The following LIPC variants were observed in gnomAD, a reference collection of about 807,000 sequenced individuals.
LIPC encodes the protein hepatic triacylglycerol lipase.
In LIPC, 44 loss-of-function variants were observed where a neutral mutation model predicts 50.7. The ratio of observed to expected loss-of-function variants is 0.87; its 90% CI spans 0.68 to 1.11. LIPC has a LOEUF of 1.11. LIPC is among the 50% of genes most tolerant of loss of function. The pLI is 0.00. For synonymous variants in LIPC, 271 were observed against 256.4 expected (o/e 1.06, Z -0.54); for missense variants, 697 against 648.2 (o/e 1.08, Z -0.82).
chr15:58,473,963 C>T (rs1041193652), intron 1 of LIPC: 2 of 152,272 alleles, frequency 1.3e-5, no homozygotes, highest in Non-Finnish European at 2.9e-5. Flanking sequence ...AGGAAACTCC[C>T]CACCTTTTTT....
intron 1 of LIPC, among the ~76,000 whole-genome samples, chr15:58,516,829 T>A (rs929779684): frequency 2.6e-5 from 4 of 152,226 alleles, no homozygotes; most frequent in Non-Finnish European, 5.9e-5. Flanking sequence ...ATTGATTGAT[T>A]TTTCTCTTCA....
intron 1 of LIPC, among the ~76,000 whole-genome samples, chr15:58,440,026 G>T (rs904484983): frequency 2.0e-5 from 3 of 152,148 alleles, no homozygotes; most frequent in African/African-American, 7.2e-5. Flanking sequence ...AACATCCACT[G>T]CTCCTGGATA....
At chr15:58,553,271 C>T (rs926045192) in intron 6 of LIPC, among the ~76,000 whole-genome samples, 1 of 152,140 alleles carries the variant, frequency 6.6e-6, no homozygotes, top group Non-Finnish European at 1.5e-5. Context: ...CCATCTCCAC[C>T]GCTCGCAGGC....
chr15:58,543,965 C>A (rs930608727), intron 4 of LIPC, among the ~76,000 whole-genome samples: 4 of 152,298 alleles, frequency 2.6e-5, no homozygotes, highest in Middle Eastern at 3.4e-3. Flanking sequence ...ATTACCATTC[C>A]TTTATAAAAG....
chr15:58,538,648 T>C (rs2140906740), intron 2 of LIPC, 131 bp downstream of exon 2: 1 of 897,012 alleles, frequency 1.1e-6, no homozygotes, highest in Non-Finnish European at 1.8e-6. Context: ...ATGAAGCACG[T>C]TCTAATTTTC....
At chr15:58,513,170 G>A (rs1462101449) in intron 1 of LIPC, among the ~76,000 whole-genome samples, 1 of 152,172 alleles carries the variant, frequency 6.6e-6, no homozygotes, top group African/African-American at 2.4e-5. Context: ...TTTAATGGAA[G>A]CTTAACAGAT....
At chr15:58,474,332 T>C (rs1890908452) in intron 1 of LIPC, among the ~76,000 whole-genome samples, 1 of 151,910 alleles carries the variant, frequency 6.6e-6, no homozygotes, top group South Asian at 2.1e-4. Context: ...AGCCGGGCAA[T>C]ATAAAGAGAC....
At chr15:58,433,820 T>C (rs1253977503) in intron 1 of LIPC, among the ~76,000 whole-genome samples, 1 of 152,122 alleles carries the variant, frequency 6.6e-6, no homozygotes, top group Non-Finnish European at 1.5e-5. Flanking sequence ...AGCAAGAGGG[T>C]TCCTCAGAAA....
At position 58,568,816 on chromosome 15, in the gene LIPC, A is replaced by G. The variant is rs1209126068; in HGVS notation, c.1489A>G (p.Lys497Glu). 1.3e-6 allele frequency: 2 copies of G among 1,589,230 alleles called. No homozygotes were observed. The highest frequency in any genetic ancestry group is 1.7e-5 in the Admixed American group (1 of 59,924). Residue 497 changes from lysine to glutamate, a missense_variant, in exon 9 of 9, where the codon AAG (lysine) becomes GAG (glutamate). Coordinates refer to ENST00000299022, the MANE Select transcript of LIPC (RefSeq NM_000236.3). ...AATAAAGTCTAAAACATCAAAGCGA[A>G]AGATCAGATGAGATTTAATGAAGAC... ...CEIKSKTSKRKIR is the reference protein window; with the variant it reads ...CEIKSKTSKREIR
In LIPC at chr15:58,560,924, C is replaced by T. The variant is rs1446570088; in HGVS notation, c.1112C>T (p.Thr371Ile). ...INQTETPIQT[T>I]FTMSLLGTKE... ...CAAACTGAGACACCAATACAAACAA[C>T]TTTTACCATGTCACTACTCGGAACA... Residue 371 changes from threonine (T) to isoleucine (I), a missense_variant, in exon 7 of 9, where the codon ACT becomes ATT. By Grantham distance (89) the Thr-to-Ile change is moderately conservative (BLOSUM62 -1). Transcript: ENST00000299022. 3.2e-6 allele frequency: 5 copies of T among 1,570,456 alleles called. No homozygotes were observed. The highest frequency in any genetic ancestry group is 3.5e-6 in the Non-Finnish European group (4 of 1,140,014).
At chr15:58,452,896 G>A (rs1394799236) in intron 1 of LIPC, among the ~76,000 whole-genome samples, 2 of 152,218 alleles carry the variant, frequency 1.3e-5, no homozygotes, top group African/African-American at 4.8e-5. Flanking sequence ...GTTCACTGTG[G>A]TCCCATCTGC....
chr15:58,541,648 C>T, intron 2 of LIPC, 137 bp from the exon 3 acceptor site: 3 of 879,108 alleles, frequency 3.4e-6, no homozygotes, highest in East Asian at 2.7e-5. Flanking sequence ...AATTCTCTGG[C>T]CCAAAATGTC....
chr15:58,548,439 C>T lies in LIPC; in HGVS notation c.918C>T (p.Asn306=). Residue 306 remains asparagine (N), a synonymous_variant, in exon 6 of 9, where the codon AAC becomes AAT. Coordinates refer to ENST00000299022, the MANE Select transcript of LIPC (RefSeq NM_000236.3). ...QSMAYPCGDM[N]SFSQGLCLSC... ...TGGCCTACCCGTGTGGTGACATGAACAGCTTCAGCCAGGGCCTGTGCCTGA... is the reference window on the plus strand; with the variant it reads ...TGGCCTACCCGTGTGGTGACATGAATAGCTTCAGCCAGGGCCTGTGCCTGA... The T allele has an allele frequency of 1.2e-6, 2 of 1,613,954 alleles. No homozygotes were observed. The highest frequency in any genetic ancestry group is 1.7e-6 in the Non-Finnish European group (2 of 1,179,956).
chr15:58,511,582 G>T (rs1297892589), intron 1 of LIPC, among the ~76,000 whole-genome samples: 5 of 152,152 alleles, frequency 3.3e-5, no homozygotes, highest in Admixed American at 2.0e-4. Context: ...AGAAGACAAG[G>T]GCACCCTGCT....
chr15:58,442,662 T>C (rs1566907983), intron 1 of LIPC, among the ~76,000 whole-genome samples: 1 of 152,230 alleles, frequency 6.6e-6, no homozygotes, highest in Non-Finnish European at 1.5e-5. Flanking sequence ...CCCTGTGAGA[T>C]AGGTATTATC....
chr15:58,496,743 C>CAAAAAAAAAAAAAAA (rs10716717), intron 1 of LIPC, among the ~76,000 whole-genome samples: 17 of 114,178 alleles, frequency 1.5e-4, no homozygotes, highest in Admixed American at 4.1e-4. Context: ...TCTTCCCCCT[C>CAAAAAAAAAAAAAAA]AAAAAAAAAA....
At chr15:58,555,920 C>T (rs1458450560) in intron 6 of LIPC, among the ~76,000 whole-genome samples, 2 of 152,120 alleles carry the variant, frequency 1.3e-5, no homozygotes, top group Non-Finnish European at 2.9e-5. Context: ...CTGCTAGTGC[C>T]TCTCCCTCCA....
At position 58,541,880 on chromosome 15, in the gene LIPC, C is replaced by T. The variant is rs780397429; in HGVS notation, c.369C>T (p.Ile123=). ...TGAACGTGGGGCTGGTGGACTGGAT[C>T]ACCCTGGCCCACGACCACTACACCA... ...QPVNVGLVDW[I]TLAHDHYTIA... Residue 123 remains isoleucine, a synonymous_variant, in exon 3 of 9, where the codon ATC becomes ATT. Transcript: ENST00000299022. 1.9e-6 allele frequency: 3 copies of T among 1,612,414 alleles called. No individual in the cohort carries two copies. In the South Asian group the frequency reaches 3.3e-5, roughly 18 times the overall value.
intron 1 of LIPC, among the ~76,000 whole-genome samples, chr15:58,513,621 AAAG>A (rs1297945035): frequency 3.3e-5 from 5 of 152,266 alleles, no homozygotes; most frequent in Middle Eastern, 6.8e-3. Flanking sequence ...CAGGTAAATG[AAAG>A]AAGGAGGATG....
Sources: gnomAD v4.1 joint callset for allele counts (sites outside exome capture counted in the v4.1 genomes callset) on GRCh38, gnomAD v4.1.1 for gene constraint, MANE v1.5 for transcripts, NCBI Gene and HGNC (gene_info 2026-07-23, HGNC 2026-07-21) for gene names.